Variants in PFKFB3 observed in about 807,000 individuals in gnomAD.
The protein encoded by PFKFB3 is 6-phosphofructo-2-kinase/fructose-2,6-bisphosphatase 3.
PFKFB3 carries 33 observed loss-of-function variants against 68.0 expected under a neutral mutation model. That is an observed-to-expected ratio of 0.49 (90% CI 0.37 to 0.65). The LOEUF (loss-of-function observed/expected upper bound fraction) is 0.65. PFKFB3 is among the 30% of genes least tolerant of loss of function. PFKFB3 has a pLI of 0.00. For synonymous variants in PFKFB3, 315 were observed against 288.2 expected (o/e 1.09, Z -0.94); for missense variants, 586 against 712.2 (o/e 0.82, Z 2.02).
At chr10:6,309,450 C>G in the PFKFB3 span, among the ~76,000 whole-genome samples, 1 of 152,008 alleles carries the variant, frequency 6.6e-6, no homozygotes, top group African/African-American at 2.4e-5. Context: ...GGCGAAACCC[C>G]GGCTCTACTA....
At chr10:6,157,346 C>T (rs1185840438) in intron 1 of PFKFB3, among the ~76,000 whole-genome samples, 1 of 151,788 alleles carries the variant, frequency 6.6e-6, no homozygotes, top group Non-Finnish European at 1.5e-5. Flanking sequence ...CCTGCCTCAG[C>T]CTCCCGAGTA....
chr10:6,156,312 G>A (rs1419529489), intron 1 of PFKFB3, among the ~76,000 whole-genome samples: 1 of 151,496 alleles, frequency 6.6e-6, no homozygotes, highest in Non-Finnish European at 1.5e-5. Context: ...CGCCACCACA[G>A]TCTGCTTTTT....
At chr10:6,297,023 G>A in the PFKFB3 span, among the ~76,000 whole-genome samples, 1 of 152,230 alleles carries the variant, frequency 6.6e-6, no homozygotes, top group African/African-American at 2.4e-5. Flanking sequence ...GACCTCACCT[G>A]TGTATGACCA....
chr10:6,244,993 T>G (rs570475599), intron 14 of PFKFB3, among the ~76,000 whole-genome samples: 2 of 152,340 alleles, frequency 1.3e-5, no homozygotes, highest in African/African-American at 4.8e-5. Context: ...TCTGCAAGTT[T>G]AAACTCCACC....
chr10:6,245,166 A>G (rs1299217445), intron 14 of PFKFB3, among the ~76,000 whole-genome samples: 2 of 150,606 alleles, frequency 1.3e-5, no homozygotes, highest in Non-Finnish European at 3.0e-5. Flanking sequence ...GCACGATCTC[A>G]GCTCACTGCA....
chr10:6,318,288 C>T, the PFKFB3 span, among the ~76,000 whole-genome samples: 2 of 152,204 alleles, frequency 1.3e-5, no homozygotes, highest in African/African-American at 4.8e-5. Flanking sequence ...CTGTAACTGG[C>T]TCCTCCGTGA....
chr10:6,231,308 G>A (rs745474320), intron 14 of PFKFB3: 19 of 1,611,862 alleles, frequency 1.2e-5, no homozygotes, highest in South Asian at 1.1e-4. Flanking sequence ...CTTACTAACT[G>A]TGGAAGGTAA....
At chr10:6,261,156 T>C in the PFKFB3 span, among the ~76,000 whole-genome samples, 1 of 152,274 alleles carries the variant, frequency 6.6e-6, no homozygotes, top group Non-Finnish European at 1.5e-5. Flanking sequence ...GGTTGTCTTT[T>C]CATATGTTTA....
chr10:6,220,965 G>GCTGCTGCTT lies in PFKFB3; in HGVS notation c.831+105_831+106insGCTTCTGCT. ...GTGTGCTGCTGCTGCTGCTGCTGCT[G>GCTGCTGCTT]CTGCTTGGTGTGCTTGCTGTGTGTG... On this transcript the variant is annotated intron_variant, in intron 8 of 14. Transcript: ENST00000379775. This position sits in a 1 kb window ranked among gnomAD's most constrained non-coding sequence, Gnocchi z 4.1. The GCTGCTGCTT allele has an allele frequency of 8.4e-7, 1 of 1,183,560 alleles. No individual in the cohort carries two copies. Among genetic ancestry groups the GCTGCTGCTT allele is most frequent in the Non-Finnish European group, 1.2e-6 (1 of 805,752 alleles). 73.3% of individuals were successfully genotyped at this position (1,183,560 alleles called of 1,614,324 possible).
chr10:6,180,557 T>C (rs2131785676), intron 1 of PFKFB3, among the ~76,000 whole-genome samples: 1 of 152,286 alleles, frequency 6.6e-6, no homozygotes, highest in African/African-American at 2.4e-5. Flanking sequence ...CTCAAACTCC[T>C]GGGCTCAAAC....
At chr10:6,176,838 G>A (rs1208008826) in intron 1 of PFKFB3, among the ~76,000 whole-genome samples, 1 of 152,168 alleles carries the variant, frequency 6.6e-6, no homozygotes, top group Non-Finnish European at 1.5e-5. Flanking sequence ...GGATGAGATC[G>A]TGGTTTTCAG....
chr10:6,203,381 G>C, intron 1 of PFKFB3, 45 bp downstream of exon 1: 1 of 1,497,712 alleles, frequency 6.7e-7, no homozygotes, highest in Non-Finnish European at 9.1e-7. Flanking sequence ...GGGCTGCGCC[G>C]GGCCGGGCCA....
At chr10:6,162,875 A>T (rs1461772521) in intron 1 of PFKFB3, among the ~76,000 whole-genome samples, 1 of 152,146 alleles carries the variant, frequency 6.6e-6, no homozygotes, top group East Asian at 1.9e-4. Flanking sequence ...GGTCCTTAGA[A>T]GGCTGGATCT....
Position 6,228,274 on chromosome 10 carries a change from A to G in PFKFB3, c.1515+1909A>G, listed in dbSNP as rs1403808207. ...TGCACTGCTTTCTTCCTGCTTGCTC[A>G]TTTGGCCTCCTGCCTGTTAAAATAT... On this transcript the variant is annotated intron_variant, in intron 14 of 14. Coordinates refer to ENST00000379775, the MANE Select transcript of PFKFB3 (RefSeq NM_004566.4). The surrounding 1 kb of genome is among the most constrained non-coding windows in gnomAD (Gnocchi z 4.5). The G allele has an allele frequency of 1.9e-6, 3 of 1,598,396 alleles. No homozygotes were observed. Among genetic ancestry groups the G allele is most frequent in the Non-Finnish European group, 2.6e-6 (3 of 1,167,392 alleles).
chr10:6,216,271 C>G, intron 4 of PFKFB3, 80 bp downstream of exon 4: 7 of 1,319,410 alleles, frequency 5.3e-6, no homozygotes, highest in Non-Finnish European at 7.7e-6. Context: ...TGTACCGAGA[C>G]CTGTGCCTCT....
chr10:6,279,961 G>C, the PFKFB3 span, among the ~76,000 whole-genome samples: 2 of 152,186 alleles, frequency 1.3e-5, no homozygotes, highest in Non-Finnish European at 2.9e-5. Context: ...AGCTTTGCAG[G>C]TGGGCAGGAC....
chr10:6,177,422 TTCC>T (rs1488773491), intron 1 of PFKFB3, among the ~76,000 whole-genome samples: 105 of 136,910 alleles, frequency 7.7e-4, no homozygotes, highest in East Asian at 2.1e-3. Context: ...TTTCTCTTTC[TTCC>T]TTTCTTTTCT....
At chr10:6,148,087 G>A (rs1329766999) in intron 1 of PFKFB3, among the ~76,000 whole-genome samples, 4 of 152,222 alleles carry the variant, frequency 2.6e-5, no homozygotes, top group Admixed American at 6.5e-5. Flanking sequence ...ACCAGCACAC[G>A]CTAGGTACCA....
the PFKFB3 span, among the ~76,000 whole-genome samples, chr10:6,303,611 G>A: frequency 1.4e-4 from 22 of 151,824 alleles, 1 homozygote; most frequent in Admixed American, 1.2e-3. Context: ...TCAGGAGTTC[G>A]AGACCACCCT....
Sources: gnomAD v4.1 joint callset for allele counts (sites outside exome capture counted in the v4.1 genomes callset) on GRCh38, gnomAD v4.1.1 for gene constraint, Gnocchi (gnomAD v3.1) non-coding constraint, MANE v1.5 for transcripts, NCBI Gene and HGNC (gene_info 2026-07-23, HGNC 2026-07-21) for gene names.